The following PRKN variants were observed in gnomAD, a reference collection of about 807,000 sequenced individuals.
The protein encoded by PRKN is E3 ubiquitin-protein ligase parkin.
PRKN carries 56 observed loss-of-function variants against 59.5 expected under a neutral mutation model. The ratio of observed to expected loss-of-function variants is 0.94; its 90% CI spans 0.76 to 1.18. The LOEUF (loss-of-function observed/expected upper bound fraction) is 1.18. Among genes scored for constraint, PRKN ranks in the 50% most tolerant of loss-of-function variants. The pLI is 0.00. For synonymous variants in PRKN, 250 were observed against 222.1 expected, an observed-to-expected ratio of 1.13 and a Z score of -1.12; for missense variants, 657 against 596.4, an observed-to-expected ratio of 1.10 and a Z score of -1.06.
At chr6:162,499,411 T>A (rs2128187430) in intron 1 of PRKN, among the ~76,000 whole-genome samples, 1 of 152,258 alleles carries the variant, frequency 6.6e-6, no homozygotes, top group South Asian at 2.1e-4. Context: ...TCAAATCTGT[T>A]TCTTTATCTC....
chr6:161,657,229 G>C (rs1018115681), intron 7 of PRKN, among the ~76,000 whole-genome samples: 2 of 152,098 alleles, frequency 1.3e-5, no homozygotes, highest in South Asian at 2.1e-4. Flanking sequence ...ATCTCAGCTT[G>C]TCCCAGTGAC....
intron 9 of PRKN, among the ~76,000 whole-genome samples, chr6:161,424,336 CAA>C (rs56268660): frequency 0.42 from 45,591 of 109,790 alleles, 7,540 homozygotes; most frequent in East Asian, 0.77. Flanking sequence ...GATTCTGTCT[CAA>C]AAAAAAAAAA....
Position 162,363,550 on chromosome 6 carries a change from T to C in PRKN, c.171+79760A>G, listed in dbSNP as rs77178357. Among the ~76,000 whole-genome samples, 449 of 152,268 alleles carry C rather than the reference T, an allele frequency of 2.9e-3. 4 individuals are homozygous for C. The highest frequency in any genetic ancestry group is 0.01 in the African/African-American group (435 of 41,554). Reference sequence around the variant, plus strand: ...CACAAGAAAAGTGACATTTTTCTTCTTTCATTTCTATGCTACTTTTTCCAA... The same window carrying C: ...CACAAGAAAAGTGACATTTTTCTTCCTTCATTTCTATGCTACTTTTTCCAA... On this transcript the variant is annotated intron_variant, in intron 2 of 11. Coordinates refer to ENST00000366898, the MANE Select transcript of PRKN (RefSeq NM_004562.3).
chr6:162,583,327 A>G (rs1417832878), intron 1 of PRKN, among the ~76,000 whole-genome samples: 1 of 152,250 alleles, frequency 6.6e-6, no homozygotes, highest in Non-Finnish European at 1.5e-5. Context: ...CAAAGGCTAG[A>G]AAGAGGTATA....
chr6:162,039,132 G>C (rs1783962673), intron 5 of PRKN, among the ~76,000 whole-genome samples: 1 of 151,166 alleles, frequency 6.6e-6, no homozygotes, highest in Admixed American at 6.6e-5. Context: ...CTCCAGCCTG[G>C]GCGACAGAGC....
At chr6:162,271,260 G>A (rs954377526) in intron 2 of PRKN, among the ~76,000 whole-genome samples, 6 of 152,004 alleles carry the variant, frequency 3.9e-5, no homozygotes, top group East Asian at 1.9e-4. Flanking sequence ...AAGTTAGGCC[G>A]AATGCAGTGG....
chr6:162,479,908 T>C (rs1274493986), intron 1 of PRKN, among the ~76,000 whole-genome samples: 1 of 151,720 alleles, frequency 6.6e-6, no homozygotes, highest in East Asian at 1.9e-4. Flanking sequence ...CTACTGAAAA[T>C]ACAAAAATTC....
intron 1 of PRKN, among the ~76,000 whole-genome samples, chr6:162,626,027 G>T (rs60451035): frequency 6.6e-6 from 1 of 152,006 alleles, no homozygotes; most frequent in East Asian, 1.9e-4. Context: ...TTTACAACTG[G>T]GTAGAGACTA....
At chr6:161,943,911 G>GA (rs1470736933) in intron 6 of PRKN, among the ~76,000 whole-genome samples, 1 of 146,902 alleles carries the variant, frequency 6.8e-6, no homozygotes, top group African/African-American at 2.6e-5. Context: ...CAGCCTGAGG[G>GA]ATCAGCCTTG....
Position 162,453,925 on chromosome 6 carries a change from T to C in PRKN, c.8-10452A>G, listed in dbSNP as rs962069032. Reference sequence around the variant, plus strand: ...TCTCCAAAAAAAAACGATGAGAAAGTGGACATAATAATAAGGGCAAAACTC... The same window carrying C: ...TCTCCAAAAAAAAACGATGAGAAAGCGGACATAATAATAAGGGCAAAACTC... On this transcript the variant is annotated intron_variant, in intron 1 of 11. Transcript: ENST00000366898. Among the ~76,000 whole-genome samples the C allele has an allele frequency of 5.3e-5, 8 of 151,312 alleles. No homozygotes were observed. The East Asian group carries it at 1.6e-3, about 29-fold the overall frequency.
rs139981541 is a variant in PRKN, at chr6:161,762,675, A to G, written c.871+23097T>C. Among the ~76,000 whole-genome samples the G allele has an allele frequency of 7.0e-3, 1,064 of 152,348 alleles. 13 individuals carry two copies. The highest frequency in any genetic ancestry group is 0.024 in the African/African-American group (995 of 41,578). Reference sequence around the variant, plus strand: ...GGCCACATGTGAAGTTTGGCACACAATGCATTCAGTGTACTATAGAGCTAT... The same window carrying G: ...GGCCACATGTGAAGTTTGGCACACAGTGCATTCAGTGTACTATAGAGCTAT... On this transcript the variant is annotated intron_variant, in intron 7 of 11. Coordinates refer to ENST00000366898, the MANE Select transcript of PRKN (RefSeq NM_004562.3).
chr6:161,534,663 T>C (rs1779348467), intron 9 of PRKN, among the ~76,000 whole-genome samples: 1 of 152,242 alleles, frequency 6.6e-6, no homozygotes, highest in Admixed American at 6.5e-5. Flanking sequence ...TGTCTTCCCA[T>C]TAGATGACGT....
chr6:161,720,271 G>C (rs991089356), intron 7 of PRKN, among the ~76,000 whole-genome samples: 5 of 152,188 alleles, frequency 3.3e-5, no homozygotes, highest in African/African-American at 4.8e-5. Flanking sequence ...CAGGTATGAC[G>C]TGAAGGTCTT....
rs1192311166 is a variant in PRKN at position 161,373,110 on chromosome 6, G to A, written c.1168-12905C>T. Among the ~76,000 whole-genome samples, 1 of 152,122 alleles carries A rather than the reference G, an allele frequency of 6.6e-6. No individual in the cohort carries two copies. The highest frequency in any genetic ancestry group is 2.4e-5 in the African/African-American group (1 of 41,422). On this transcript the variant is annotated intron_variant, in intron 10 of 11. Transcript: ENST00000366898. The surrounding 1 kb of genome is among the most constrained non-coding windows in gnomAD (Gnocchi z 4.8). ...CCGGTGTGAACCACCACACTCGGTA[G>A]GGCAGAATTTTTCTCTTCTCTGGGA...
intron 1 of PRKN, among the ~76,000 whole-genome samples, chr6:162,480,433 G>A (rs1792248251): frequency 6.6e-6 from 1 of 152,104 alleles, no homozygotes; most frequent in Non-Finnish European, 1.5e-5. Flanking sequence ...AGGGAGGAGA[G>A]GAAGAAGATG....
chr6:162,717,729 A>G (rs1421190574), intron 1 of PRKN, among the ~76,000 whole-genome samples: 1 of 152,356 alleles, frequency 6.6e-6, no homozygotes, highest in East Asian at 1.9e-4. Context: ...GATAGTGTAT[A>G]ATATTAAAGA....
rs1381230619 is a variant in PRKN at position 161,470,202 on chromosome 6, T to C, written c.1083+78652A>G. Among the ~76,000 whole-genome samples, 1 of 152,204 alleles carries C rather than the reference T, an allele frequency of 6.6e-6. No homozygotes were observed. The highest frequency in any genetic ancestry group is 1.5e-5 in the Non-Finnish European group (1 of 68,024). On this transcript the variant is annotated intron_variant, in intron 9 of 11. Transcript: ENST00000366898. The surrounding 1 kb of genome is among the most constrained non-coding windows in gnomAD (Gnocchi z 5.1). ...CTTGTAACCTACACTAAAATAATGG[T>C]GTACAGTCTATGCCACATAATTTTT...
intron 1 of PRKN, among the ~76,000 whole-genome samples, chr6:162,653,003 TATGTG>T (rs1157291170): frequency 6.6e-6 from 1 of 152,202 alleles, no homozygotes; most frequent in Non-Finnish European, 1.5e-5. Flanking sequence ...TTAGAAACTC[TATGTG>T]ATAATTCAAA....
intron 1 of PRKN, among the ~76,000 whole-genome samples, chr6:162,681,106 C>T (rs1341790639): frequency 2.6e-5 from 4 of 152,182 alleles, no homozygotes; most frequent in African/African-American, 4.8e-5. Flanking sequence ...CTCCTCTGTG[C>T]TCAACAGCAC....
Sources: gnomAD v4.1 joint callset for allele counts (sites outside exome capture counted in the v4.1 genomes callset) on GRCh38, gnomAD v4.1.1 for gene constraint, Gnocchi (gnomAD v3.1) non-coding constraint, MANE v1.5 for transcripts, NCBI Gene and HGNC (gene_info 2026-07-23, HGNC 2026-07-21) for gene names.